GASK1A: variants seen among roughly 807,000 people sequenced by gnomAD.
GASK1A encodes golgi associated kinase 1A, also known as Golgi-associated kinase 1A.
In GASK1A, 40 loss-of-function variants were observed where a neutral mutation model predicts 41.2. That is an observed-to-expected ratio of 0.97 (90% CI 0.75 to 1.27). The LOEUF (loss-of-function observed/expected upper bound fraction) is 1.27. Among genes scored for constraint, GASK1A ranks in the 50% most tolerant of loss-of-function variants. The probability of loss-of-function intolerance (pLI) is 0.00; values close to 1 mark genes in which losing one functional copy is unlikely to be tolerated. For synonymous variants in GASK1A, 316 were observed against 307.1 expected (o/e 1.03, Z -0.30); for missense variants, 678 against 745.1 (o/e 0.91, Z 1.05).
chr3:42,984,335 A>C lies in GASK1A; in HGVS notation c.3+4690A>C, dbSNP rs1310955907. The stretch of plus-strand genomic sequence containing the variant: ...CTCTTTCTCTCTCTCTCACACACAC[A>C]CACGCTGACTTTCACACATCACACA... On this transcript the variant is annotated intron_variant, in intron 1 of 4. Transcript: ENST00000430121. The surrounding 1 kb of genome is among the most constrained non-coding windows in gnomAD (Gnocchi z 4.2). Among the ~76,000 whole-genome samples the C allele has an allele frequency of 6.6e-6, 1 of 151,920 alleles. No individual in the cohort carries two copies. Among genetic ancestry groups the C allele is most frequent in the Non-Finnish European group, 1.5e-5 (1 of 67,994 alleles).
At chr3:42,979,794 G>T in intron 1 of GASK1A, 149 bp downstream of exon 1, 1 of 806,182 alleles carries the variant, frequency 1.2e-6, no homozygotes. Flanking sequence ...ATGGGGCGGC[G>T]GCGGCTTTCA....
Position 43,055,501 on chromosome 3 carries a change from A to T in GASK1A, c.1483A>T (p.Lys495Ter), listed in dbSNP as rs1312136376. The change falls in exon 4 of 5, where the codon AAG becomes TAG. Residue 495 changes from lysine to a stop codon, truncating the protein, a stop_gained. Coordinates refer to ENST00000430121, the MANE Select transcript of GASK1A (RefSeq NM_001129908.3). LOFTEE classifies it high-confidence loss of function. ...TGGCAACCTTCAGCACCCTGAGGAC[A>T]AGCTGAACTTTCGGCTGCTGGAGGG... is the stretch of plus-strand genomic sequence containing the variant. Reference protein sequence around the residue: ...NAGNLQHPEDKLNFRLLEGID... With the variant: ...NAGNLQHPED 9.0e-6 allele frequency: 14 copies of T among 1,551,938 alleles called. No homozygotes were observed. Among genetic ancestry groups the T allele is most frequent in the Non-Finnish European group, 1.2e-5 (14 of 1,147,070 alleles).
At chr3:43,036,399 T>TCTTG (rs2089604549) in intron 2 of GASK1A, among the ~76,000 whole-genome samples, 1 of 152,190 alleles carries the variant, frequency 6.6e-6, no homozygotes, top group African/African-American at 2.4e-5. Flanking sequence ...TACAGCCCAC[T>TCTTG]CTTGAGTAGG....
intron 1 of GASK1A, among the ~76,000 whole-genome samples, chr3:42,979,886 A>G (rs951528311): frequency 2.0e-5 from 3 of 152,116 alleles, no homozygotes; most frequent in African/African-American, 7.2e-5. Flanking sequence ...TTTATTACTA[A>G]TCTGCACTCC....
intron 2 of GASK1A, among the ~76,000 whole-genome samples, chr3:43,052,681 C>T (rs1407395564): frequency 6.6e-6 from 1 of 152,128 alleles, no homozygotes; most frequent in Non-Finnish European, 1.5e-5. Context: ...TCTCCCTTTC[C>T]TGTCTTTCTC....
chr3:43,030,267 A>T (rs1319360292), intron 1 of GASK1A, among the ~76,000 whole-genome samples: 1 of 152,236 alleles, frequency 6.6e-6, no homozygotes, highest in East Asian at 1.9e-4. Context: ...TTGGCCTCCC[A>T]AAGTGCTGGG....
intron 4 of GASK1A, 64 bp from the exon 5 acceptor site, chr3:43,056,112 G>T: frequency 7.5e-7 from 1 of 1,335,646 alleles, no homozygotes; most frequent in South Asian, 1.4e-5. Context: ...ACCTGTTACT[G>T]AAATTCTCTG....
At chr3:43,047,810 A>T (rs1381681740) in intron 2 of GASK1A, among the ~76,000 whole-genome samples, 2 of 152,206 alleles carry the variant, frequency 1.3e-5, no homozygotes, top group African/African-American at 4.8e-5. Flanking sequence ...TCATGATAAT[A>T]TGGAGCTGCT....
At chr3:42,982,524 T>C (rs1256665802) in intron 1 of GASK1A, among the ~76,000 whole-genome samples, 1 of 152,220 alleles carries the variant, frequency 6.6e-6, no homozygotes, top group Non-Finnish European at 1.5e-5. Context: ...TTTCCATGTC[T>C]ACATCTCTAG....
At chr3:42,988,839 C>T (rs959550756) in intron 1 of GASK1A, among the ~76,000 whole-genome samples, 6 of 152,224 alleles carry the variant, frequency 3.9e-5, no homozygotes, top group African/African-American at 1.2e-4. Flanking sequence ...CTCTGTGCTC[C>T]TGCTGGGGAG....
chr3:43,034,148 A>G (rs1015277742), intron 2 of GASK1A, among the ~76,000 whole-genome samples: 7 of 152,224 alleles, frequency 4.6e-5, no homozygotes, highest in Non-Finnish European at 7.3e-5. Context: ...TTGACTCAAC[A>G]AGGATTCAAG....
At position 43,035,548 on chromosome 3, in the gene GASK1A, A is replaced by T. The variant is rs375637360; in HGVS notation, c.1290+1995A>T. 2.6e-4 allele frequency among the ~76,000 whole-genome samples: 40 copies of T among 152,234 alleles called. No homozygotes were observed. The East Asian group carries it at 4.1e-3, about 16-fold the overall frequency. On this transcript the variant is annotated intron_variant, in intron 2 of 4. Coordinates refer to ENST00000430121, the MANE Select transcript of GASK1A (RefSeq NM_001129908.3). ...TGGAGCCCAGTTATTCACAGTGGTAATTGCTGTCTCTCTTCCCCCACTCTA... is the reference window on the plus strand; with the variant it reads ...TGGAGCCCAGTTATTCACAGTGGTATTTGCTGTCTCTCTTCCCCCACTCTA...
intron 4 of GASK1A, 123 bp from the exon 5 acceptor site, chr3:43,056,053 T>C: frequency 4.0e-6 from 3 of 748,238 alleles, no homozygotes; most frequent in Non-Finnish European, 6.5e-6. Flanking sequence ...GTTTGCCAGG[T>C]GACTTTACCA....
At chr3:42,987,509 A>G (rs954498914) in intron 1 of GASK1A, among the ~76,000 whole-genome samples, 6 of 152,240 alleles carry the variant, frequency 3.9e-5, no homozygotes, top group African/African-American at 9.6e-5. Context: ...ATCAGATTAT[A>G]TGAAGAGAAA....
intron 1 of GASK1A, among the ~76,000 whole-genome samples, chr3:43,025,659 C>T (rs1290681968): frequency 6.6e-6 from 1 of 152,130 alleles, no homozygotes; most frequent in Non-Finnish European, 1.5e-5. Flanking sequence ...TGGAAGTGTG[C>T]AGCAGGAACA....
intron 1 of GASK1A, among the ~76,000 whole-genome samples, chr3:43,009,553 C>T (rs1054576518): frequency 2.6e-5 from 4 of 152,196 alleles, no homozygotes; most frequent in African/African-American, 9.7e-5. Context: ...CTCAGCTCTT[C>T]TACTTAGATG....
intron 1 of GASK1A, among the ~76,000 whole-genome samples, chr3:43,000,518 G>A (rs2089403277): frequency 6.6e-6 from 1 of 152,232 alleles, no homozygotes; most frequent in South Asian, 2.1e-4. Context: ...CTTCTCTCAA[G>A]ACAGCAGCCA....
intron 1 of GASK1A, among the ~76,000 whole-genome samples, chr3:43,013,290 T>A: frequency 8.0e-6 from 1 of 125,574 alleles, no homozygotes; most frequent in East Asian, 2.4e-4. Flanking sequence ...AAATCGCAGG[T>A]AGAGGCTCTG....
intron 1 of GASK1A, among the ~76,000 whole-genome samples, chr3:43,019,168 T>A (rs1262926104): frequency 6.6e-6 from 1 of 152,260 alleles, no homozygotes; most frequent in Non-Finnish European, 1.5e-5. Flanking sequence ...TTCTTTTTCC[T>A]GGAATTGGCT....
Sources: gnomAD v4.1 joint callset for allele counts (sites outside exome capture counted in the v4.1 genomes callset) on GRCh38, gnomAD v4.1.1 for gene constraint, Gnocchi (gnomAD v3.1) non-coding constraint, MANE v1.5 for transcripts, NCBI Gene and HGNC (gene_info 2026-07-23, HGNC 2026-07-21) for gene names.